ITGB5: variants seen among roughly 807,000 people sequenced by gnomAD.
The protein encoded by ITGB5 is integrin subunit beta 5.
Under a neutral mutation model 84.8 loss-of-function variants are expected in ITGB5, and 38 were observed. That is an observed-to-expected ratio of 0.45 (90% CI 0.35 to 0.59). ITGB5 has a LOEUF of 0.59. Among genes scored for constraint, ITGB5 ranks in the 20% least tolerant of loss-of-function variants. The pLI is 0.01. For synonymous variants in ITGB5, 393 were observed against 414.4 expected (o/e 0.95, Z 0.63); for missense variants, 905 against 1,034.5 (o/e 0.87, Z 1.72).
At chr3:124,842,385 T>G (rs1156781316) in intron 4 of ITGB5, among the ~76,000 whole-genome samples, 1 of 152,122 alleles carries the variant, frequency 6.6e-6, no homozygotes, top group Non-Finnish European at 1.5e-5. Context: ...GCTCTAAGAG[T>G]TTCAGCTTGA....
chr3:124,814,819 T>C (rs1425665937), intron 8 of ITGB5, among the ~76,000 whole-genome samples: 4 of 152,172 alleles, frequency 2.6e-5, no homozygotes, highest in Non-Finnish European at 4.4e-5. Context: ...CACAACATGT[T>C]TACTTACAGG....
intron 5 of ITGB5, among the ~76,000 whole-genome samples, chr3:124,831,006 C>CAAA (rs1243030632): frequency 1.3e-5 from 2 of 151,212 alleles, no homozygotes; most frequent in Non-Finnish European, 3.0e-5. Context: ...ACAACAACAA[C>CAAA]AAAAAAACAA....
intron 2 of ITGB5, among the ~76,000 whole-genome samples, chr3:124,871,017 G>T (rs1243147486): frequency 6.6e-6 from 1 of 151,938 alleles, no homozygotes; most frequent in East Asian, 1.9e-4. Context: ...AGCCCCCCAA[G>T]TAGCTGGGAC....
chr3:124,814,569 C>T (rs150972733), intron 8 of ITGB5, among the ~76,000 whole-genome samples: 74 of 152,058 alleles, frequency 4.9e-4, no homozygotes, highest in African/African-American at 1.6e-3. Context: ...CTTGAACTCC[C>T]GGGCTCAGGC....
At chr3:124,868,531 A>T (rs2107632870) in intron 2 of ITGB5, among the ~76,000 whole-genome samples, 1 of 150,024 alleles carries the variant, frequency 6.7e-6, no homozygotes, top group Non-Finnish European at 1.5e-5. Flanking sequence ...CTGTAATCCC[A>T]GCACACTGGG....
chr3:124,833,037 A>G (rs186858011), intron 5 of ITGB5: 11 of 152,300 alleles, frequency 7.2e-5, no homozygotes, highest in African/African-American at 2.6e-4. Context: ...CAATATACAC[A>G]TTCTTTTTAG....
chr3:124,891,399 G>C (rs187636885), upstream of ITGB5, among the ~76,000 whole-genome samples: 1 of 152,160 alleles, frequency 6.6e-6, no homozygotes, highest in African/African-American at 2.4e-5. Context: ...AAGAAATGAA[G>C]GCCTTTGCAA....
At chr3:124,782,744 GC>G (rs2064022621) in intron 10 of ITGB5, among the ~76,000 whole-genome samples, 1 of 152,108 alleles carries the variant, frequency 6.6e-6, no homozygotes, top group Admixed American at 6.5e-5. Context: ...TGTAATCCCA[GC>G]TACTCAGAAG....
chr3:124,767,051 C>T (rs1355518954), intron 12 of ITGB5, among the ~76,000 whole-genome samples: 2 of 152,244 alleles, frequency 1.3e-5, no homozygotes, highest in Non-Finnish European at 2.9e-5. Context: ...GTCACAGTCC[C>T]CTGTCCAGGC....
chr3:124,862,324 A>G (rs1230300976), intron 2 of ITGB5: 2 of 152,172 alleles, frequency 1.3e-5, no homozygotes, highest in African/African-American at 4.8e-5. Flanking sequence ...GGACCAGCTT[A>G]CACTCTGGAA....
chr3:124,822,373 A>G (rs1382191273), intron 5 of ITGB5, among the ~76,000 whole-genome samples: 1 of 152,242 alleles, frequency 6.6e-6, no homozygotes, highest in East Asian at 1.9e-4. Context: ...CACTGCTGAG[A>G]GTCTTCTATA....
At chr3:124,834,567 G>GAGGGAGGAAGGA (rs1282528877) in intron 5 of ITGB5, among the ~76,000 whole-genome samples, 1 of 49,944 alleles carries the variant, frequency 2.0e-5, no homozygotes, top group African/African-American at 9.1e-5. Flanking sequence ...GGGAGGGAGG[G>GAGGGAGGAAGGA]AGGAAGGAAG....
At chr3:124,782,756 G>A (rs1474643468) in intron 10 of ITGB5, among the ~76,000 whole-genome samples, 3 of 152,110 alleles carry the variant, frequency 2.0e-5, no homozygotes, top group Non-Finnish European at 4.4e-5. Flanking sequence ...TACTCAGAAG[G>A]CTGAGGCAGA....
chr3:124,769,104 G>C lies in ITGB5; in HGVS notation c.1926C>G (p.Val642=). 6.2e-7 allele frequency: 1 copy of C among 1,613,912 alleles called. No homozygotes were observed. The highest frequency in any genetic ancestry group is 8.5e-7 in the Non-Finnish European group (1 of 1,179,910). Residue 642 remains valine (V), a synonymous_variant, in exon 12 of 15, where the codon GTC becomes GTG. Transcript: ENST00000296181. ...PDACSTKRDC[V]ECLLLHSGKP... Reference sequence around the variant, plus strand: ...TCCCAGAGTGGAGCAGCAGGCACTCGACGCAATCTCTTTGGAAAAGAGGAG... The same window carrying C: ...TCCCAGAGTGGAGCAGCAGGCACTCCACGCAATCTCTTTGGAAAAGAGGAG...
At chr3:124,857,234 C>A (rs2065232618) in intron 3 of ITGB5, 1 of 152,246 alleles carries the variant, frequency 6.6e-6, no homozygotes, top group African/African-American at 2.4e-5. Flanking sequence ...GTGCTTACCA[C>A]ATGCAGCACT....
At chr3:124,882,977 A>G (rs1281173252) in intron 1 of ITGB5, among the ~76,000 whole-genome samples, 1 of 152,228 alleles carries the variant, frequency 6.6e-6, no homozygotes, top group African/African-American at 2.4e-5. Context: ...TAAATAAAGC[A>G]TTCCTTTACA....
intron 9 of ITGB5, among the ~76,000 whole-genome samples, chr3:124,803,439 G>C (rs532648290): frequency 2.2e-4 from 33 of 152,304 alleles, no homozygotes; most frequent in African/African-American, 7.7e-4. Flanking sequence ...GAGGCAGACA[G>C]CAGCAGTAAT....
At chr3:124,831,583 G>C (rs889172411) in intron 5 of ITGB5, among the ~76,000 whole-genome samples, 1 of 152,186 alleles carries the variant, frequency 6.6e-6, no homozygotes, top group African/African-American at 2.4e-5. Flanking sequence ...AGTGGGGCCT[G>C]CCTGAACATG....
intron 1 of ITGB5, among the ~76,000 whole-genome samples, chr3:124,875,042 G>A (rs556769933): frequency 2.0e-5 from 3 of 152,222 alleles, no homozygotes; most frequent in East Asian, 3.9e-4. Flanking sequence ...GCACAGCAAA[G>A]GAAACAATCA....
Sources: gnomAD v4.1 joint callset for allele counts (sites outside exome capture counted in the v4.1 genomes callset) on GRCh38, gnomAD v4.1.1 for gene constraint, MANE v1.5 for transcripts, NCBI Gene and HGNC (gene_info 2026-07-23, HGNC 2026-07-21) for gene names.